Variants in ADGRB3 observed in about 807,000 individuals in gnomAD.
The protein encoded by ADGRB3 is brain-specific angiogenesis inhibitor 3.
Under a neutral mutation model 193.4 loss-of-function variants are expected in ADGRB3, and 37 were observed. That is an observed-to-expected ratio of 0.19 (90% CI 0.15 to 0.25). The LOEUF (loss-of-function observed/expected upper bound fraction) is 0.25, where lower values mean the gene tolerates loss of function less well. ADGRB3 is among the 10% of genes least tolerant of loss of function. The pLI is 1.00. For synonymous variants in ADGRB3, 690 were observed against 644.2 expected, an observed-to-expected ratio of 1.07 and a Z score of -1.08; for missense variants, 1,637 against 1,852.9, an observed-to-expected ratio of 0.88 and a Z score of 2.14.
At chr6:69,081,718 T>G (rs7739849) in intron 17 of ADGRB3, among the ~76,000 whole-genome samples, 102,751 of 151,856 alleles carry the variant, frequency 0.68, 35,708 homozygotes, top group East Asian at 0.96. Flanking sequence ...AGTTACATCA[T>G]AGATTTTATG....
intron 17 of ADGRB3, among the ~76,000 whole-genome samples, chr6:69,156,270 G>C (rs1013549233): frequency 6.6e-6 from 1 of 152,204 alleles, no homozygotes; most frequent in African/African-American, 2.4e-5. Flanking sequence ...GAGCAAGATA[G>C]TATGATAAAG....
intron 20 of ADGRB3, among the ~76,000 whole-genome samples, chr6:69,277,922 G>T (rs1463256556): frequency 1.3e-5 from 2 of 152,094 alleles, no homozygotes; most frequent in Non-Finnish European, 2.9e-5. Flanking sequence ...TCTGGCACAT[G>T]GTAAGAACTT....
At chr6:68,857,823 T>A (rs2150212863) in intron 3 of ADGRB3, among the ~76,000 whole-genome samples, 1 of 152,290 alleles carries the variant, frequency 6.6e-6, no homozygotes, top group South Asian at 2.1e-4. Flanking sequence ...CCCACCCAAA[T>A]CTCATCTTGT....
intron 3 of ADGRB3, among the ~76,000 whole-genome samples, chr6:68,656,102 C>T (rs1768484724): frequency 6.6e-6 from 1 of 151,452 alleles, no homozygotes; most frequent in African/African-American, 2.4e-5. Context: ...TGCTTGCTGC[C>T]TCCATTTTTA....
intron 13 of ADGRB3, among the ~76,000 whole-genome samples, chr6:69,043,288 GAGAGAAAGAA>G (rs1396944407): frequency 7.4e-6 from 1 of 134,378 alleles, no homozygotes; most frequent in African/African-American, 2.9e-5. Flanking sequence ...AAGGAAGAAA[GAGAGAAAGAA>G]AGAAAGAAAG....
chr6:68,968,957 A>G (rs1768475033), intron 8 of ADGRB3, among the ~76,000 whole-genome samples: 1 of 152,280 alleles, frequency 6.6e-6, no homozygotes, highest in African/African-American at 2.4e-5. Flanking sequence ...AGCACCTACC[A>G]TACTGAACAG....
intron 30 of ADGRB3, among the ~76,000 whole-genome samples, chr6:69,381,975 G>A (rs1289500227): frequency 6.6e-6 from 1 of 151,754 alleles, no homozygotes; most frequent in Non-Finnish European, 1.5e-5. Flanking sequence ...TACAAATACA[G>A]GGCACTTATT....
chr6:69,191,841 A>C (rs1765194244), intron 17 of ADGRB3, among the ~76,000 whole-genome samples: 1 of 152,090 alleles, frequency 6.6e-6, no homozygotes, highest in African/African-American at 2.4e-5. Flanking sequence ...ATATATCAAG[A>C]TGATTAGATA....
At chr6:69,270,009 C>A (rs1449387669) in intron 20 of ADGRB3, among the ~76,000 whole-genome samples, 1 of 152,058 alleles carries the variant, frequency 6.6e-6, no homozygotes, top group African/African-American at 2.4e-5. Context: ...GTATAAAGTA[C>A]AATGTTTCTC....
chr6:68,964,874 A>T (rs1449414528), intron 8 of ADGRB3, among the ~76,000 whole-genome samples: 1 of 152,190 alleles, frequency 6.6e-6, no homozygotes, highest in East Asian at 1.9e-4. Flanking sequence ...TGCAAAATGT[A>T]TAAATAACTT....
chr6:69,291,867 TAAG>T (rs1767691372), intron 20 of ADGRB3, among the ~76,000 whole-genome samples: 1 of 152,138 alleles, frequency 6.6e-6, no homozygotes, highest in African/African-American at 2.4e-5. Flanking sequence ...TCATAAAACC[TAAG>T]AAGGATTTTC....
intron 3 of ADGRB3, among the ~76,000 whole-genome samples, chr6:68,887,285 TTAACCATTGATAC>T (rs1765936788): frequency 6.6e-6 from 1 of 152,120 alleles, no homozygotes; most frequent in African/African-American, 2.4e-5. Flanking sequence ...AAAAATGGGC[TTAACCATTGATAC>T]GTATCCTTGC....
At chr6:69,077,461 C>G (rs548074158) in intron 17 of ADGRB3, among the ~76,000 whole-genome samples, 1 of 151,314 alleles carries the variant, frequency 6.6e-6, no homozygotes, top group Non-Finnish European at 1.5e-5. Flanking sequence ...TTTTTTTTTA[C>G]TGGGTAGAAT....
chr6:69,381,071 G>C (rs1241037139), intron 30 of ADGRB3, among the ~76,000 whole-genome samples: 2 of 151,638 alleles, frequency 1.3e-5, no homozygotes, highest in Non-Finnish European at 2.9e-5. Context: ...ATTTTCATCA[G>C]TATCTTAGAA....
At chr6:68,907,017 T>G (rs1012559212) in intron 3 of ADGRB3, among the ~76,000 whole-genome samples, 2 of 151,902 alleles carry the variant, frequency 1.3e-5, no homozygotes, top group African/African-American at 4.8e-5. Flanking sequence ...TTTCTAAACC[T>G]CAAATGAAAA....
At chr6:68,840,551 C>CACCA (rs1768135491) in intron 3 of ADGRB3, among the ~76,000 whole-genome samples, 1 of 151,740 alleles carries the variant, frequency 6.6e-6, no homozygotes, top group South Asian at 2.1e-4. Context: ...CCCCAAGGGC[C>CACCA]TGTGCTGGTG....
At chr6:68,937,618 CTGCTAGCTTG>C (rs1488267743) in intron 5 of ADGRB3, among the ~76,000 whole-genome samples, 2 of 152,284 alleles carry the variant, frequency 1.3e-5, no homozygotes, top group East Asian at 3.9e-4. Context: ...AGCCTTTCAT[CTGCTAGCTTG>C]TGCTTAGAAG....
intron 17 of ADGRB3, among the ~76,000 whole-genome samples, chr6:69,192,373 C>T (rs1051405979): frequency 2.6e-5 from 4 of 152,112 alleles, no homozygotes; most frequent in African/African-American, 9.7e-5. Context: ...CTTCTGCCTG[C>T]TTTTATTCTG....
At chr6:69,364,227 G>A (rs1165433564) in intron 29 of ADGRB3, among the ~76,000 whole-genome samples, 1 of 151,870 alleles carries the variant, frequency 6.6e-6, no homozygotes, top group African/African-American at 2.4e-5. Flanking sequence ...AGTGCTGAAG[G>A]AAAAAACAGA....
Sources: gnomAD v4.1 joint callset for allele counts (sites outside exome capture counted in the v4.1 genomes callset) on GRCh38, gnomAD v4.1.1 for gene constraint, MANE v1.5 for transcripts, NCBI Gene and HGNC (gene_info 2026-07-23, HGNC 2026-07-21) for gene names.